The following FRAS1 variants were observed in gnomAD, a reference collection of about 807,000 sequenced individuals.
FRAS1 encodes the protein extracellular matrix organizing protein FRAS1.
FRAS1 carries 290 observed loss-of-function variants against 435.2 expected under a neutral mutation model. The observed-to-expected ratio is 0.67, with a 90% confidence interval of 0.61 to 0.73. The LOEUF is 0.73. Among genes scored for constraint, FRAS1 ranks in the 30% least tolerant of loss-of-function variants. The pLI is 0.00. For missense variants in FRAS1, 4,860 were observed against 5,001.5 expected (o/e 0.97, Z 0.85); for synonymous variants, 1,800 against 1,851.0 (o/e 0.97, Z 0.71).
At chr4:78,280,580 C>CTTTTTTTT (rs34405763) in intron 10 of FRAS1, among the ~76,000 whole-genome samples, 3 of 141,886 alleles carry the variant, frequency 2.1e-5, no homozygotes, top group African/African-American at 2.6e-5. Flanking sequence ...TTCCTCCATA[C>CTTTTTTTT]TTTTTTTTTT....
intron 2 of FRAS1, among the ~76,000 whole-genome samples, chr4:78,176,632 T>C (rs1042483309): frequency 6.6e-6 from 1 of 152,218 alleles, no homozygotes; most frequent in Non-Finnish European, 1.5e-5. Flanking sequence ...CCAACATTTT[T>C]TGAGCCCACA....
At chr4:78,505,905 TG>T (rs1328735472) in intron 61 of FRAS1, among the ~76,000 whole-genome samples, 1 of 152,200 alleles carries the variant, frequency 6.6e-6, no homozygotes, top group Non-Finnish European at 1.5e-5. Flanking sequence ...GACCTACAGA[TG>T]GGGTTTTGGT....
intron 3 of FRAS1, among the ~76,000 whole-genome samples, chr4:78,237,897 T>G (rs1297542815): frequency 2.0e-5 from 3 of 152,186 alleles, no homozygotes; most frequent in Non-Finnish European, 4.4e-5. Context: ...CATTTAATAT[T>G]ATGTGGGTTA....
At chr4:78,359,470 C>A (rs767023331) in intron 20 of FRAS1, among the ~76,000 whole-genome samples, 1 of 152,052 alleles carries the variant, frequency 6.6e-6, no homozygotes, top group Admixed American at 6.6e-5. Flanking sequence ...ACTTATTATT[C>A]TTTTTGGCTT....
chr4:78,175,379 C>T (rs1159095454), intron 2 of FRAS1, among the ~76,000 whole-genome samples: 1 of 152,126 alleles, frequency 6.6e-6, no homozygotes, highest in African/African-American at 2.4e-5. Flanking sequence ...ATCTGTGTGC[C>T]CCGGTAAGGA....
intron 2 of FRAS1, among the ~76,000 whole-genome samples, chr4:78,214,520 A>T (rs1723664193): frequency 6.6e-6 from 1 of 152,156 alleles, no homozygotes; most frequent in Non-Finnish European, 1.5e-5. Context: ...TTAGCTGGAA[A>T]TTTTTAAAGC....
chr4:78,435,201 G>A (rs1734368399), intron 38 of FRAS1, among the ~76,000 whole-genome samples: 2 of 152,164 alleles, frequency 1.3e-5, no homozygotes, highest in South Asian at 2.1e-4. Flanking sequence ...GCTGCAGTGA[G>A]CCTTGATTGG....
intron 65 of FRAS1, among the ~76,000 whole-genome samples, chr4:78,514,259 T>C (rs6815922): frequency 0.69 from 104,877 of 152,206 alleles, 36,726 homozygotes; most frequent in African/African-American, 0.82. Flanking sequence ...GCTGAGCCAA[T>C]ATGCAGCTGA....
intron 56 of FRAS1, 26 bp downstream of exon 56, chr4:78,479,744 C>T: frequency 2.7e-6 from 4 of 1,494,950 alleles, no homozygotes; most frequent in Non-Finnish European, 3.6e-6. Flanking sequence ...TCTGAGTTTC[C>T]TTCACCTGTC....
intron 50 of FRAS1, among the ~76,000 whole-genome samples, chr4:78,467,002 A>G (rs1201370749): frequency 6.6e-6 from 1 of 152,172 alleles, no homozygotes; most frequent in Non-Finnish European, 1.5e-5. Context: ...ATGTTTTGAT[A>G]TGGGCATACA....
intron 44 of FRAS1, among the ~76,000 whole-genome samples, chr4:78,449,569 G>A (rs1177283280): frequency 6.6e-6 from 1 of 152,138 alleles, no homozygotes; most frequent in African/African-American, 2.4e-5. Context: ...ACAAGACCCT[G>A]AGAAGAGGAG....
intron 2 of FRAS1, among the ~76,000 whole-genome samples, chr4:78,094,445 CT>C (rs1741692324): frequency 6.6e-6 from 1 of 151,768 alleles, no homozygotes; most frequent in Non-Finnish European, 1.5e-5. Context: ...TTTTTTTCCC[CT>C]CTACATTATA....
At chr4:78,477,769 G>A (rs1173356268) in intron 54 of FRAS1, 46 bp from the exon 55 acceptor site, 3 of 1,581,884 alleles carry the variant, frequency 1.9e-6, no homozygotes, top group African/African-American at 1.3e-5. Flanking sequence ...GCAGAGCAGG[G>A]GAAGCTGAGG....
intron 1 of FRAS1, among the ~76,000 whole-genome samples, chr4:78,065,144 CT>C (rs1739964868): frequency 7.2e-6 from 1 of 137,960 alleles, no homozygotes. Context: ...TATATATATA[CT>C]ATATATAGTA....
intron 2 of FRAS1, among the ~76,000 whole-genome samples, chr4:78,118,089 G>A (rs200625985): frequency 1.3e-5 from 2 of 152,312 alleles, no homozygotes; most frequent in East Asian, 3.9e-4. Flanking sequence ...TTTTGCTGGA[G>A]GTCCACTCCA....
chr4:78,057,892 G>T lies in FRAS1; in HGVS notation c.-118G>T, dbSNP rs962412579. On this transcript the variant is annotated 5_prime_UTR_variant, in exon 1 of 74. Transcript: ENST00000512123. This position sits in a 1 kb window ranked among gnomAD's most constrained non-coding sequence, Gnocchi z 4.2. The stretch of plus-strand genomic sequence containing the variant: ...CCATCTCTTTTTCCCGGAGGTAAAG[G>T]CCCGCGGTCCCCCACCTTCAGTGCG... The T allele has an allele frequency of 8.3e-6, 7 of 846,028 alleles. No individual in the cohort carries two copies. In the African/African-American group the frequency reaches 1.0e-4, roughly 12 times the overall value. The allele number at this position is 846,028 out of a possible 1,614,324, so 52.4% of individuals were successfully genotyped here.
At chr4:78,151,447 T>C (rs899286186) in intron 2 of FRAS1, among the ~76,000 whole-genome samples, 12 of 152,180 alleles carry the variant, frequency 7.9e-5, no homozygotes, top group African/African-American at 2.7e-4. Flanking sequence ...TCATTAGTAG[T>C]TAGTTGTTAA....
rs1194763110 is a variant in FRAS1, at chr4:78,387,652, A to G, written c.3926A>G (p.Asp1309Gly). The change falls in exon 29 of 74, where the codon GAT becomes GGT. Residue 1309 changes from aspartate to glycine, a missense_variant. By Grantham distance (94) the Asp-to-Gly change is moderately conservative. Coordinates refer to ENST00000512123, the MANE Select transcript of FRAS1 (RefSeq NM_025074.7). ...TSDVAVLQAN[D>G]GHSFHNILFQ... ...GATGTTGCAGTCTTGCAGGCCAATG[A>G]TGGACACTCCTTCCATAATATACTG... 6.3e-7 allele frequency: 1 copy of G among 1,599,912 alleles called. No individual in the cohort carries two copies. The highest frequency in any genetic ancestry group is 2.2e-5 in the East Asian group (1 of 44,696).
At position 78,255,273 on chromosome 4, in the gene FRAS1, G is replaced by C. The variant is rs984997081; in HGVS notation, c.501G>C (p.Gln167His). Residue 167 changes from glutamine (Q) to histidine (H), a missense_variant, in exon 6 of 74, where the codon CAG becomes CAC. By Grantham distance (24) the Gln-to-His change is conservative (BLOSUM62 0). Transcript: ENST00000512123. The stretch of plus-strand genomic sequence containing the variant: ...GTTCCTATGAAGGCCATGTGTTTCA[G>C]GATGGGGAGGACTGGCGGCTGAGCC... ...KPCSYEGHVF[Q>H]DGEDWRLSRC... The C allele has an allele frequency of 6.4e-7, 1 of 1,554,018 alleles. No homozygotes were observed. Among genetic ancestry groups the C allele is most frequent in the Admixed American group, 2.0e-5 (1 of 51,104 alleles).
Sources: gnomAD v4.1 joint callset for allele counts (sites outside exome capture counted in the v4.1 genomes callset) on GRCh38, gnomAD v4.1.1 for gene constraint, Gnocchi (gnomAD v3.1) non-coding constraint, MANE v1.5 for transcripts, NCBI Gene and HGNC (gene_info 2026-07-23, HGNC 2026-07-21) for gene names.